UBAP1: variants seen among roughly 807,000 people sequenced by gnomAD.
UBAP1 encodes ubiquitin-associated protein 1.
A neutral mutation model predicts 39.0 loss-of-function variants in UBAP1; 5 were observed. The observed-to-expected ratio is 0.13, with a 90% CI of 0.07 to 0.27. The LOEUF is 0.27. UBAP1 is among the 10% of genes least tolerant of loss of function. UBAP1 has a pLI of 1.00. For synonymous variants in UBAP1, 211 were observed against 225.1 expected (o/e 0.94, Z 0.56); for missense variants, 490 against 608.1 (o/e 0.81, Z 2.04).
intron 2 of UBAP1, among the ~76,000 whole-genome samples, chr9:34,230,102 C>T (rs954388275): frequency 6.6e-6 from 1 of 151,978 alleles, no homozygotes; most frequent in Admixed American, 6.6e-5. Context: ...CTCGCCCTGT[C>T]GCCCAGGCTG....
chr9:34,179,177 C>A lies in UBAP1; in HGVS notation c.-71C>A. 2 of 1,237,552 alleles carry A rather than the reference C, an allele frequency of 1.6e-6. No homozygotes were observed. The highest frequency in any genetic ancestry group is 1.0e-6 in the Non-Finnish European group (1 of 989,392). 76.7% of individuals were successfully genotyped at this position (1,237,552 alleles called of 1,614,324 possible). The stretch of plus-strand genomic sequence containing the variant: ...TGTCGGGAGCTCAGCGGGGACCGAG[C>A]CTGGGAGGCCGGCCGGTGCCAGCAC... On this transcript the variant is annotated 5_prime_UTR_variant, in exon 1 of 7. Transcript: ENST00000297661.
At chr9:34,218,017 C>T (rs553103333) in intron 1 of UBAP1, among the ~76,000 whole-genome samples, 7 of 150,674 alleles carry the variant, frequency 4.6e-5, no homozygotes, top group African/African-American at 1.7e-4. Context: ...CTTTGGGAGG[C>T]CGAGGCGGGT....
intron 4 of UBAP1, among the ~76,000 whole-genome samples, chr9:34,246,768 C>T (rs764213655): frequency 6.6e-6 from 1 of 152,172 alleles, no homozygotes; most frequent in Admixed American, 6.5e-5. Context: ...AGGACTGCCA[C>T]CTTCTGAGGC....
chr9:34,210,429 C>T (rs979636700), intron 1 of UBAP1, among the ~76,000 whole-genome samples: 4 of 152,120 alleles, frequency 2.6e-5, no homozygotes, highest in African/African-American at 7.2e-5. Flanking sequence ...TAAAAATTTA[C>T]GTTTTCTGGC....
At position 34,226,105 on chromosome 9, in the gene UBAP1, T is replaced by TTGTGTGTGTGTGTGTGTGTG. The variant is rs74180553; in HGVS notation, c.34+5190_34+5209dup. ...CCTTCTAAAGTTTCCTCCTACTCTA[T>TTGTGTGTGTGTGTGTGTGTG]TGTGTGTGTGTGTGTGTGTGTGTGT... On this transcript the variant is annotated intron_variant, in intron 2 of 6. Coordinates refer to ENST00000297661, the MANE Select transcript of UBAP1 (RefSeq NM_016525.5). 2.3e-4 allele frequency among the ~76,000 whole-genome samples: 20 copies of TTGTGTGTGTGTGTGTGTGTG among 88,294 alleles called. 1 individual carries two copies. The highest frequency in any genetic ancestry group is 3.6e-4 in the South Asian group (1 of 2,806). The allele number at this position is 88,294 out of a possible 152,430, so 57.9% of individuals were successfully genotyped here.
rs1587805470 is a variant in UBAP1, at chr9:34,197,020, T to C, written c.-8+17780T>C. ...TTGGCTCACTGCAACCTCCACCTCC[T>C]GGGTTCAAGTGATTCTCCCGCCTCA... On this transcript the variant is annotated intron_variant, in intron 1 of 6. Transcript: ENST00000297661. Among the ~76,000 whole-genome samples the C allele has an allele frequency of 2.0e-5, 3 of 151,432 alleles. No individual in the cohort carries two copies. The Admixed American group carries it at 2.0e-4, about 10-fold the overall frequency.
intron 1 of UBAP1, among the ~76,000 whole-genome samples, chr9:34,209,350 T>C (rs144418306): frequency 2.6e-5 from 4 of 152,360 alleles, no homozygotes; most frequent in African/African-American, 9.6e-5. Flanking sequence ...TGTGTCCTGC[T>C]TTCAAGATGC....
Position 34,241,288 on chromosome 9 carries a change from C to T in UBAP1, c.263C>T (p.Ala88Val). Residue 88 changes from alanine (A) to valine (V), a missense_variant, in exon 4 of 7, where the codon GCT becomes GTT. Ala to Val is a moderately conservative substitution (Grantham distance 64, BLOSUM62 0). Around this residue, in one of 3 missense-constraint regions of UBAP1, gnomAD observed 144 missense variants for 184.4 expected, o/e 0.78. Coordinates refer to ENST00000297661, the MANE Select transcript of UBAP1 (RefSeq NM_016525.5). ...GAGTGCAAAATTGCGGAAGCAGAAG[C>T]TAAAGTGAATTCTAAGAGTGGCCCA... ...EAECKIAEAE[A>V]KVNSKSGPEG... is the part of the protein sequence containing the mutation. 1 of 1,507,290 alleles carries T rather than the reference C, an allele frequency of 6.6e-7. No individual in the cohort carries two copies. The highest frequency in any genetic ancestry group is 8.9e-7 in the Non-Finnish European group (1 of 1,128,814). 93.4% of individuals were successfully genotyped at this position (1,507,290 alleles called of 1,614,324 possible).
chr9:34,215,171 A>G (rs768465379), intron 1 of UBAP1, among the ~76,000 whole-genome samples: 2 of 152,132 alleles, frequency 1.3e-5, no homozygotes, highest in East Asian at 1.9e-4. Context: ...ATGCTTGCAC[A>G]TGTATGTTTA....
intron 2 of UBAP1, among the ~76,000 whole-genome samples, chr9:34,222,436 G>C (rs566457897): frequency 5.9e-4 from 90 of 152,214 alleles, no homozygotes; most frequent in African/African-American, 2.1e-3. Flanking sequence ...TTTCAGGTGA[G>C]CTATTTCCTA....
chr9:34,205,536 A>C (rs1339472115), intron 1 of UBAP1, among the ~76,000 whole-genome samples: 4 of 152,128 alleles, frequency 2.6e-5, no homozygotes, highest in African/African-American at 7.2e-5. Flanking sequence ...TTAGCTATTA[A>C]ATTTTCAGAA....
intron 6 of UBAP1, 25 bp downstream of exon 6, chr9:34,250,784 A>G: frequency 6.3e-7 from 1 of 1,594,932 alleles, no homozygotes. Flanking sequence ...GTTTCTTGGG[A>G]ACCCTCTGGA....
chr9:34,219,736 CCCCCTT>C (rs1174952402), intron 1 of UBAP1, among the ~76,000 whole-genome samples: 6 of 59,104 alleles, frequency 1.0e-4, no homozygotes, highest in African/African-American at 3.1e-4. Flanking sequence ...CCCTCCCCCT[CCCCCTT>C]CCCCTCCCCT....
chr9:34,213,865 T>C (rs1309536229), intron 1 of UBAP1, among the ~76,000 whole-genome samples: 1 of 151,762 alleles, frequency 6.6e-6, no homozygotes, highest in African/African-American at 2.4e-5. Flanking sequence ...GAAGCTCTTC[T>C]ATACACCAAC....
At chr9:34,198,153 G>C (rs1186970783) in intron 1 of UBAP1, among the ~76,000 whole-genome samples, 1 of 152,146 alleles carries the variant, frequency 6.6e-6, no homozygotes, top group Admixed American at 6.5e-5. Flanking sequence ...AGCTGGCTGG[G>C]CTCCATGTTT....
chr9:34,226,130 TG>T (rs1252061500), intron 2 of UBAP1, among the ~76,000 whole-genome samples: 1 of 139,204 alleles, frequency 7.2e-6, no homozygotes, highest in Admixed American at 7.3e-5. Flanking sequence ...TGTGTGTGTG[TG>T]TGTGTGTGTG....
intron 5 of UBAP1, among the ~76,000 whole-genome samples, chr9:34,250,434 T>C (rs1476277606): frequency 1.3e-5 from 2 of 152,204 alleles, no homozygotes; most frequent in Non-Finnish European, 1.5e-5. Flanking sequence ...GCAACTCCTT[T>C]GGAAAATGCC....
At chr9:34,182,597 TTTTC>T (rs1830104282) in intron 1 of UBAP1, among the ~76,000 whole-genome samples, 1 of 151,868 alleles carries the variant, frequency 6.6e-6, no homozygotes, top group South Asian at 2.1e-4. Flanking sequence ...TCGTGTTCTT[TTTTC>T]TTTTTCTTTC....
At chr9:34,183,033 C>T (rs1252613455) in intron 1 of UBAP1, among the ~76,000 whole-genome samples, 2 of 152,008 alleles carry the variant, frequency 1.3e-5, no homozygotes, top group Non-Finnish European at 2.9e-5. Context: ...CCATCTCAGC[C>T]TTCCAAAGTG....
Sources: allele counts gnomAD v4.1 joint callset (sites outside exome capture counted in the v4.1 genomes callset), GRCh38; gene constraint gnomAD v4.1.1; regional missense constraint gnomAD v4.1.1; transcripts MANE v1.5; gene names NCBI Gene and HGNC (gene_info 2026-07-23, HGNC 2026-07-21).